DPP6: variants seen among roughly 807,000 people sequenced by gnomAD.
DPP6 encodes A-type potassium channel modulatory protein DPP6.
A neutral mutation model predicts 122.6 loss-of-function variants in DPP6; 69 were observed. The observed-to-expected ratio is 0.56, with a 90% CI of 0.46 to 0.69. The LOEUF (loss-of-function observed/expected upper bound fraction) is 0.69. Among genes scored for constraint, DPP6 ranks in the 30% least tolerant of loss-of-function variants. The probability of loss-of-function intolerance (pLI) is 0.00; values close to 1 mark genes in which losing one functional copy is unlikely to be tolerated. For synonymous variants in DPP6, 418 were observed against 433.1 expected (o/e 0.97, Z 0.43); for missense variants, 928 against 1,116.9 (o/e 0.83, Z 2.41).
intron 1 of DPP6, among the ~76,000 whole-genome samples, chr7:154,365,957 CA>C (rs35516153): frequency 0.062 from 4,739 of 75,862 alleles, 52 homozygotes; most frequent in Non-Finnish European, 0.088. Flanking sequence ...GACTCCGTCT[CA>C]AAAAAAAAAA....
intron 1 of DPP6, among the ~76,000 whole-genome samples, chr7:154,033,465 G>A (rs1173920825): frequency 2.0e-5 from 3 of 152,216 alleles, no homozygotes; most frequent in African/African-American, 7.2e-5. Context: ...TCCCCGTCCA[G>A]CATTTAAATT....
At chr7:153,809,705 G>T in the DPP6 span, among the ~76,000 whole-genome samples, 3 of 151,776 alleles carry the variant, frequency 2.0e-5, no homozygotes, top group Non-Finnish European at 4.4e-5. Flanking sequence ...GCACCAGAAA[G>T]CCTGTGTTCT....
chr7:154,689,575 T>A (rs1308632916), intron 7 of DPP6, among the ~76,000 whole-genome samples: 1 of 152,192 alleles, frequency 6.6e-6, no homozygotes, highest in African/African-American at 2.4e-5. Context: ...ACATATTTTC[T>A]TTAGGATTTT....
the DPP6 span, among the ~76,000 whole-genome samples, chr7:153,769,374 G>A: frequency 6.6e-6 from 1 of 152,138 alleles, no homozygotes; most frequent in South Asian, 2.1e-4. Context: ...CACAATCTTG[G>A]TCAGGACCTC....
intron 11 of DPP6, among the ~76,000 whole-genome samples, chr7:154,795,039 T>C (rs954761502): frequency 5.9e-5 from 9 of 152,104 alleles, no homozygotes; most frequent in Admixed American, 2.6e-4. Flanking sequence ...CAGTCTTGCC[T>C]GACCTTTTAT....
At chr7:154,817,177 TAGTC>T (rs910836954) in intron 16 of DPP6, among the ~76,000 whole-genome samples, 4 of 152,184 alleles carry the variant, frequency 2.6e-5, no homozygotes, top group African/African-American at 9.7e-5. Context: ...CCCCAGGTTT[TAGTC>T]AGAGCAGTGA....
chr7:153,879,783 T>G, the DPP6 span, among the ~76,000 whole-genome samples: 29 of 152,308 alleles, frequency 1.9e-4, no homozygotes, highest in African/African-American at 6.0e-4. Context: ...TGATGTCCTT[T>G]TTGTATTCTA....
Position 154,269,560 on chromosome 7 carries a change from T to A in DPP6, c.244-176654T>A, listed in dbSNP as rs183359312. 7.2e-4 allele frequency among the ~76,000 whole-genome samples: 109 copies of A among 152,326 alleles called. 2 individuals are homozygous for A. The highest frequency in any genetic ancestry group is 7.1e-3 in the Admixed American group (108 of 15,300). On this transcript the variant is annotated intron_variant, in intron 1 of 25. Coordinates refer to ENST00000377770, the MANE Select transcript of DPP6 (RefSeq NM_130797.4). ...GCTTTGCACTTAGATATGCTGTCCA[T>A]GTATTTGACAATTGATTTGCTGTCC...
chr7:154,768,510 A>G (rs993463610), intron 8 of DPP6, among the ~76,000 whole-genome samples: 6 of 152,224 alleles, frequency 3.9e-5, no homozygotes, highest in African/African-American at 1.4e-4. Flanking sequence ...ATTAGTTTAC[A>G]CTATATATAG....
intron 1 of DPP6, among the ~76,000 whole-genome samples, chr7:154,198,239 T>C (rs1163695554): frequency 6.6e-6 from 1 of 152,194 alleles, no homozygotes; most frequent in Non-Finnish European, 1.5e-5. Context: ...CCTTCGCCCA[T>C]TCTGTCTTAC....
chr7:154,020,734 C>G (rs1012862455), intron 1 of DPP6, among the ~76,000 whole-genome samples: 1 of 152,100 alleles, frequency 6.6e-6, no homozygotes, highest in African/African-American at 2.4e-5. Context: ...GATCAGAGAC[C>G]TGCTATGTAA....
intron 3 of DPP6, among the ~76,000 whole-genome samples, chr7:154,493,463 A>T (rs1824464544): frequency 6.6e-6 from 1 of 151,280 alleles, no homozygotes; most frequent in South Asian, 2.1e-4. Context: ...AGAATTGAGG[A>T]TTGGTGGCCC....
intron 1 of DPP6, among the ~76,000 whole-genome samples, chr7:154,187,727 T>A (rs1798417883): frequency 6.6e-6 from 1 of 152,060 alleles, no homozygotes; most frequent in African/African-American, 2.4e-5. Context: ...AGTGGTCACT[T>A]CTCCTCCCTA....
the DPP6 span, among the ~76,000 whole-genome samples, chr7:153,787,068 C>T: frequency 6.8e-6 from 1 of 146,142 alleles, no homozygotes; most frequent in African/African-American, 2.5e-5. Context: ...TCTCCTGCCT[C>T]AGCCTCCCAA....
In DPP6 at chr7:154,584,779, C is replaced by T. The variant is rs556152089; in HGVS notation, c.627+17863C>T. ...TATTTAAACCTGCTTTGCAGCCAGT[C>T]GCTACGATTACTCAGCTCAGAAAGC... is the stretch of plus-strand genomic sequence containing the variant. On this transcript the variant is annotated intron_variant, in intron 5 of 25. Coordinates refer to ENST00000377770, the MANE Select transcript of DPP6 (RefSeq NM_130797.4). Among the ~76,000 whole-genome samples, 17 of 152,300 alleles carry T rather than the reference C, an allele frequency of 1.1e-4. 1 individual carries two copies. The South Asian group carries it at 2.5e-3, about 22-fold the overall frequency.
intron 1 of DPP6, among the ~76,000 whole-genome samples, chr7:154,347,816 A>G (rs1810522213): frequency 1.3e-5 from 2 of 152,162 alleles, no homozygotes; most frequent in Non-Finnish European, 1.5e-5. Context: ...TTTTTCCCCA[A>G]TGGCTCCTCC....
chr7:154,739,243 G>A (rs1278550887), intron 8 of DPP6, among the ~76,000 whole-genome samples: 2 of 152,214 alleles, frequency 1.3e-5, no homozygotes, highest in African/African-American at 2.4e-5. Flanking sequence ...ACATGTCTGG[G>A]AGGCAGGACT....
At chr7:154,796,245 G>T in intron 12 of DPP6, 1 of 209,540 alleles carries the variant, frequency 4.8e-6, no homozygotes, top group Non-Finnish European at 9.5e-6. Flanking sequence ...GTGGAAAAGT[G>T]GTGGATATCC....
intron 7 of DPP6, among the ~76,000 whole-genome samples, chr7:154,720,797 G>C (rs1347119939): frequency 6.6e-6 from 1 of 152,248 alleles, no homozygotes; most frequent in Admixed American, 6.5e-5. Context: ...GAATGCAAGT[G>C]CTGAGCCAGC....
Sources: gnomAD v4.1 joint callset for allele counts (sites outside exome capture counted in the v4.1 genomes callset) on GRCh38, gnomAD v4.1.1 for gene constraint, MANE v1.5 for transcripts, NCBI Gene and HGNC (gene_info 2026-07-23, HGNC 2026-07-21) for gene names.